The following RBL2 variants were observed in gnomAD, a reference collection of about 807,000 sequenced individuals.
The protein encoded by RBL2 is retinoblastoma-like protein 2.
Under a neutral mutation model 126.0 loss-of-function variants are expected in RBL2, and 56 were observed. That is an observed-to-expected ratio of 0.44 (90% CI 0.36 to 0.56). The LOEUF (loss-of-function observed/expected upper bound fraction) is 0.56, where lower values mean the gene tolerates loss of function less well. Among genes scored for constraint, RBL2 ranks in the 20% least tolerant of loss-of-function variants. RBL2 has a pLI of 0.00. For missense variants in RBL2, 1,229 were observed against 1,398.2 expected (o/e 0.88, Z 1.93); for synonymous variants, 454 against 478.5 (o/e 0.95, Z 0.67).
At chr16:53,441,666 T>C (rs1307591316) in intron 2 of RBL2, among the ~76,000 whole-genome samples, 1 of 152,138 alleles carries the variant, frequency 6.6e-6, no homozygotes, top group Non-Finnish European at 1.5e-5. Context: ...TAATAAGATA[T>C]TGCTTATTGT....
At chr16:53,441,278 G>T (rs1048035113) in intron 2 of RBL2, among the ~76,000 whole-genome samples, 1 of 152,002 alleles carries the variant, frequency 6.6e-6, no homozygotes, top group Non-Finnish European at 1.5e-5. Context: ...TATATTGCTG[G>T]TGTACATTGG....
intron 3 of RBL2, 82 bp from the exon 4 acceptor site, chr16:53,446,960 T>G: frequency 1.2e-6 from 1 of 803,448 alleles, no homozygotes; most frequent in East Asian, 2.9e-5. Context: ...GGGTTTTATT[T>G]TACACCTGAT....
intron 17 of RBL2, among the ~76,000 whole-genome samples, chr16:53,475,090 GTCTT>G (rs1427697608): frequency 2.6e-5 from 4 of 152,206 alleles, no homozygotes; most frequent in Admixed American, 2.6e-4. Flanking sequence ...GGTAGTGTAT[GTCTT>G]TCTAAGAATT....
chr16:53,434,844 G>A (rs989422662), intron 1 of RBL2, 48 bp downstream of exon 1: 4 of 1,438,044 alleles, frequency 2.8e-6, no homozygotes, highest in Admixed American at 4.9e-5. Flanking sequence ...GGCGTGAACC[G>A]GTGCCTTCCG....
chr16:53,442,658 C>T lies in RBL2; in HGVS notation c.372C>T (p.Ser124=), dbSNP rs745915801. The change falls in exon 3 of 22, where the codon AGC becomes AGT. Residue 124 remains serine, a splice_region_variant and synonymous_variant. Transcript: ENST00000262133. Reference sequence around the variant, plus strand: ...ATATCTTGTTTGTCTTTAATACCAGCTTAATCGAATTTTTTAATAAGATGA... The same window carrying T: ...ATATCTTGTTTGTCTTTAATACCAGTTTAATCGAATTTTTTAATAAGATGA... ...LTRILKCSEQ[S]LIEFFNKMKK... The T allele has an allele frequency of 5.6e-6, 9 of 1,608,698 alleles. No homozygotes were observed. Among genetic ancestry groups the T allele is most frequent in the Non-Finnish European group, 7.6e-6 (9 of 1,176,552 alleles).
chr16:53,442,450 T>C (rs1381257301), intron 2 of RBL2, among the ~76,000 whole-genome samples: 3 of 152,214 alleles, frequency 2.0e-5, no homozygotes, highest in Non-Finnish European at 4.4e-5. Flanking sequence ...ATACTTTAGG[T>C]AACCTAAACA....
At chr16:53,487,285 C>G (rs1961213016) in intron 21 of RBL2, among the ~76,000 whole-genome samples, 1 of 152,122 alleles carries the variant, frequency 6.6e-6, no homozygotes, top group Admixed American at 6.5e-5. Context: ...TGAAGGTACA[C>G]AAAATATCTG....
intron 17 of RBL2, among the ~76,000 whole-genome samples, chr16:53,471,855 T>G (rs549335624): frequency 6.6e-6 from 1 of 152,310 alleles, no homozygotes; most frequent in African/African-American, 2.4e-5. Flanking sequence ...ACTCACCACC[T>G]CTGTCTAGTT....
chr16:53,434,857 C>T, intron 1 of RBL2, 61 bp downstream of exon 1: 3 of 1,411,740 alleles, frequency 2.1e-6, no homozygotes, highest in Non-Finnish European at 2.8e-6. Context: ...GCCTTCCGAG[C>T]CGCGTCGCGC....
At chr16:53,463,334 G>A (rs1024191684) in intron 11 of RBL2, among the ~76,000 whole-genome samples, 1 of 151,370 alleles carries the variant, frequency 6.6e-6, no homozygotes, top group African/African-American at 2.4e-5. Flanking sequence ...TGTTTTTTTG[G>A]GTTTGTTGTT....
intron 1 of RBL2, among the ~76,000 whole-genome samples, chr16:53,436,015 C>T (rs755249931): frequency 6.6e-6 from 1 of 152,190 alleles, no homozygotes; most frequent in Non-Finnish European, 1.5e-5. Flanking sequence ...GTTTCTGGCA[C>T]ATAAAGCACC....
At chr16:53,484,846 A>AT (rs1226553936) in intron 21 of RBL2, among the ~76,000 whole-genome samples, 16 of 152,324 alleles carry the variant, frequency 1.1e-4, no homozygotes, top group Admixed American at 1.0e-3. Context: ...ATATCTCAAT[A>AT]AAGCTGGAAG....
Position 53,434,678 on chromosome 16 carries a change from C to T in RBL2, c.122C>T (p.Pro41Leu). ...GACGCCGCGCCGCCTGCCGAGTCGC[C>T]CACCCCTCAGATCCAGCAGCGGTTC... is the stretch of plus-strand genomic sequence containing the variant. ...AEDAAPPAES[P>L]TPQIQQRFDE... The change falls in exon 1 of 22, where the codon CCC becomes CTC. Residue 41 changes from proline (P) to leucine (L), a missense_variant. Pro to Leu is a moderately conservative substitution (Grantham distance 98). Transcript: ENST00000262133. 6.4e-7 allele frequency: 1 copy of T among 1,572,852 alleles called. No individual in the cohort carries two copies.
Position 53,434,494 on chromosome 16 carries a change from G to A in RBL2, c.-63G>A, listed in dbSNP as rs1453061366. 3.0e-6 allele frequency: 4 copies of A among 1,328,454 alleles called. No homozygotes were observed. The highest frequency in any genetic ancestry group is 3.8e-6 in the Non-Finnish European group (4 of 1,042,728). The allele number at this position is 1,328,454 out of a possible 1,614,324, so 82.3% of individuals were successfully genotyped here. ...GCGGCGGACGGGCGGGCGCTTCGCC[G>A]TTTGAATGGCTGCGGGCCCGGGCCC... On this transcript the variant is annotated 5_prime_UTR_variant, in exon 1 of 22. Coordinates refer to ENST00000262133, the MANE Select transcript of RBL2 (RefSeq NM_005611.4).
At position 53,439,101 on chromosome 16, in the gene RBL2, G is replaced by C. The variant is rs771053431; in HGVS notation, c.326G>C (p.Gly109Ala). 41 of 1,608,798 alleles carry C rather than the reference G, an allele frequency of 2.5e-5. No individual in the cohort carries two copies. The highest frequency in any genetic ancestry group is 3.2e-5 in the Non-Finnish European group (38 of 1,177,584). ...ACTGTAAGCAAAGGGACAGTGGAAG[G>C]AAACTATGTATCTTTAACTAGAATC... ...VPTVSKGTVEGNYVSLTRILK... is the reference protein window; with the variant it reads ...VPTVSKGTVEANYVSLTRILK... Residue 109 changes from glycine (G) to alanine (A), a missense_variant, in exon 2 of 22, where the codon GGA becomes GCA. Coordinates refer to ENST00000262133, the MANE Select transcript of RBL2 (RefSeq NM_005611.4).
At chr16:53,454,059 G>T (rs1445326556) in intron 7 of RBL2, among the ~76,000 whole-genome samples, 1 of 152,158 alleles carries the variant, frequency 6.6e-6, no homozygotes, top group Non-Finnish European at 1.5e-5. Flanking sequence ...AAGTCTTCAG[G>T]GGTGCCTAGA....
intron 5 of RBL2, 76 bp from the exon 6 acceptor site, chr16:53,453,376 T>A (rs2058134423): frequency 7.5e-7 from 1 of 1,338,862 alleles, no homozygotes; most frequent in Non-Finnish European, 1.1e-6. Context: ...TTATACTCTA[T>A]GTTTTACATT....
At position 53,447,099 on chromosome 16, in the gene RBL2, T is replaced by A; in HGVS notation, c.630T>A (p.Tyr210Ter). 6.6e-7 allele frequency: 1 copy of A among 1,521,464 alleles called. No homozygotes were observed. Among genetic ancestry groups the A allele is most frequent in the Non-Finnish European group, 9.1e-7 (1 of 1,104,126 alleles). 94.2% of individuals were successfully genotyped at this position (1,521,464 alleles called of 1,614,324 possible). ...ATTTTTGTTGGGTGCTTTTTATATA[T>A]GCAAAAGGTAAGAAAATAGTAATAT... is the stretch of plus-strand genomic sequence containing the variant. ...IFHFCWVLFI[Y>*]AKGNFPMISD... is the part of the protein sequence containing the mutation. The change falls in exon 4 of 22, where the codon TAT becomes TAA. Residue 210 changes from tyrosine (Y) to a stop codon, truncating the protein, a stop_gained. Transcript: ENST00000262133. LOFTEE classifies it high-confidence loss of function.
chr16:53,453,701 A>G lies in RBL2; in HGVS notation c.928-4A>G, dbSNP rs745604966. ...CGACTTAAGGATCTCTTCTTTCATCATAGCTCCTTAAGGGAAAAGAAGAAA... is the reference window on the plus strand; with the variant it reads ...CGACTTAAGGATCTCTTCTTTCATCGTAGCTCCTTAAGGGAAAAGAAGAAA... On this transcript the variant is annotated splice_polypyrimidine_tract_variant and splice_region_variant and intron_variant, in intron 6 of 21. Coordinates refer to ENST00000262133, the MANE Select transcript of RBL2 (RefSeq NM_005611.4). 7 of 1,609,392 alleles carry G rather than the reference A, an allele frequency of 4.3e-6. No individual in the cohort carries two copies. The Admixed American group carries it at 8.5e-5, about 19-fold the overall frequency.
Sources: allele counts gnomAD v4.1 joint callset (sites outside exome capture counted in the v4.1 genomes callset), GRCh38; gene constraint gnomAD v4.1.1; transcripts MANE v1.5; gene names NCBI Gene and HGNC (gene_info 2026-07-23, HGNC 2026-07-21).